The following DSCAM variants were observed in gnomAD, a reference collection of about 807,000 sequenced individuals.
The protein encoded by DSCAM is DS cell adhesion molecule.
DSCAM carries 47 observed loss-of-function variants against 217.7 expected under a neutral mutation model. The ratio of observed to expected loss-of-function variants is 0.22; its 90% CI spans 0.17 to 0.28. DSCAM has a LOEUF of 0.28. DSCAM is among the 10% of genes least tolerant of loss of function. The pLI is 1.00. For missense variants in DSCAM, 2,080 were observed against 2,618.3 expected, an observed-to-expected ratio of 0.79 and a Z score of 4.49; for synonymous variants, 1,056 against 1,015.3, an observed-to-expected ratio of 1.04 and a Z score of -0.76.
chr21:40,654,411 G>A (rs957095335), intron 3 of DSCAM, among the ~76,000 whole-genome samples: 1 of 152,202 alleles, frequency 6.6e-6, no homozygotes, highest in Non-Finnish European at 1.5e-5. Context: ...TGTGAAGCAA[G>A]AGGCTGTTCG....
intron 14 of DSCAM, among the ~76,000 whole-genome samples, chr21:40,182,620 GCCACCAGAGAAACCGTGGACAGGA>G (rs2090826072): frequency 2.2e-5 from 3 of 135,354 alleles, no homozygotes; most frequent in African/African-American, 6.3e-5. Flanking sequence ...GACAGAACGG[GCCACCAGAGAAACCGTGGACAGGA>G]GGGGGTTACC....
intron 6 of DSCAM, among the ~76,000 whole-genome samples, chr21:40,339,869 T>C (rs983150797): frequency 1.3e-5 from 2 of 152,356 alleles, no homozygotes. Context: ...ACCAACCTAA[T>C]ACTTCCTCAA....
chr21:40,573,402 T>G (rs1481954810), intron 3 of DSCAM, among the ~76,000 whole-genome samples: 1 of 152,010 alleles, frequency 6.6e-6, no homozygotes, highest in African/African-American at 2.4e-5. Flanking sequence ...CTCAAATATT[T>G]GAAAATTAAA....
chr21:40,050,595 G>C (rs1045042961), intron 30 of DSCAM, among the ~76,000 whole-genome samples: 5 of 151,884 alleles, frequency 3.3e-5, no homozygotes, highest in African/African-American at 7.3e-5. Context: ...CCATTCTCCT[G>C]CCTCGGCCTT....
At chr21:40,275,243 T>C (rs1601508423) in intron 11 of DSCAM, among the ~76,000 whole-genome samples, 3 of 151,578 alleles carry the variant, frequency 2.0e-5, no homozygotes, top group South Asian at 4.2e-4. Flanking sequence ...GGTGGGAGAA[T>C]CCCTTGAGCT....
intron 3 of DSCAM, among the ~76,000 whole-genome samples, chr21:40,671,440 C>T (rs2090272332): frequency 6.6e-6 from 1 of 152,090 alleles, no homozygotes; most frequent in African/African-American, 2.4e-5. Context: ...GTTTGGGAGG[C>T]TGAGGTGGGT....
At chr21:40,356,966 TGAA>T (rs2074700327) in intron 4 of DSCAM, among the ~76,000 whole-genome samples, 1 of 152,206 alleles carries the variant, frequency 6.6e-6, no homozygotes, top group Non-Finnish European at 1.5e-5. Flanking sequence ...AACTTCATTA[TGAA>T]CTTGCTGCTC....
intron 1 of DSCAM, among the ~76,000 whole-genome samples, chr21:40,841,962 A>G (rs2092105183): frequency 6.6e-6 from 1 of 152,172 alleles, no homozygotes; most frequent in South Asian, 2.1e-4. Context: ...TTCCTGTTAG[A>G]CGAACTCTAC....
Position 40,693,437 on chromosome 21 carries a change from A to G in DSCAM, c.362-481T>C, listed in dbSNP as rs527539336. Among the ~76,000 whole-genome samples, 19 of 152,292 alleles carry G rather than the reference A, an allele frequency of 1.2e-4. 1 individual carries two copies. The South Asian group carries it at 3.9e-3, about 32-fold the overall frequency. The stretch of plus-strand genomic sequence containing the variant: ...AAGAAAAAAAAATACACTACACTCT[A>G]TACCAAGGGGCCAGAGTATAATCGA... On this transcript the variant is annotated intron_variant, in intron 2 of 32. Transcript: ENST00000400454.
chr21:40,664,108 AGT>A (rs1447696033), intron 3 of DSCAM, among the ~76,000 whole-genome samples: 3 of 152,170 alleles, frequency 2.0e-5, no homozygotes, highest in African/African-American at 7.2e-5. Flanking sequence ...TTTCTTCCTA[AGT>A]GTCTCCCCTC....
chr21:40,817,548 T>C (rs984092989), intron 1 of DSCAM, among the ~76,000 whole-genome samples: 1 of 152,158 alleles, frequency 6.6e-6, no homozygotes, highest in Non-Finnish European at 1.5e-5. Context: ...TCATCATCCA[T>C]AACAAGTGTT....
chr21:40,414,659 C>T (rs2075354082), intron 3 of DSCAM, among the ~76,000 whole-genome samples: 1 of 152,128 alleles, frequency 6.6e-6, no homozygotes, highest in South Asian at 2.1e-4. Flanking sequence ...TGAGTGCAAC[C>T]TGCAGTGTGA....
intron 29 of DSCAM, among the ~76,000 whole-genome samples, chr21:40,053,482 A>G (rs752093107): frequency 1.3e-5 from 2 of 152,194 alleles, no homozygotes; most frequent in South Asian, 2.1e-4. Flanking sequence ...GCCCTTTTAG[A>G]TCACACCAGA....
intron 8 of DSCAM, among the ~76,000 whole-genome samples, chr21:40,318,721 G>C (rs935648144): frequency 6.6e-6 from 1 of 152,208 alleles, no homozygotes; most frequent in South Asian, 2.1e-4. Context: ...AGAGACATAT[G>C]ATGAGGGAGT....
chr21:40,492,360 C>A (rs531190659), intron 3 of DSCAM, among the ~76,000 whole-genome samples: 1 of 152,106 alleles, frequency 6.6e-6, no homozygotes, highest in Non-Finnish European at 1.5e-5. Flanking sequence ...ACTCCCAGAG[C>A]AGATTCCAAG....
intron 1 of DSCAM, among the ~76,000 whole-genome samples, chr21:40,827,468 CA>C (rs55906607): frequency 1.4e-3 from 80 of 57,116 alleles, no homozygotes; most frequent in African/African-American, 3.5e-3. Context: ...GTCCATGTCT[CA>C]AAAAAAAAAA....
intron 3 of DSCAM, among the ~76,000 whole-genome samples, chr21:40,559,562 T>C (rs1377060417): frequency 1.3e-5 from 2 of 151,592 alleles, no homozygotes; most frequent in Non-Finnish European, 2.9e-5. Context: ...AGGATCCACA[T>C]AGGTATAGAA....
chr21:40,613,614 G>A (rs989048586), intron 3 of DSCAM, among the ~76,000 whole-genome samples: 5 of 152,070 alleles, frequency 3.3e-5, no homozygotes, highest in East Asian at 3.9e-4. Flanking sequence ...ATAGAGATCC[G>A]GATGTAAAAG....
rs539126655 is a variant in DSCAM, at chr21:40,517,948, G to C, written c.509-148703C>G. On this transcript the variant is annotated intron_variant, in intron 3 of 32. Transcript: ENST00000400454. ...TGTTTGGCCCTGCACATGGCTCTGAGTATGAGCTTTAGCCCAAATGCCAAC... is the reference window on the plus strand; with the variant it reads ...TGTTTGGCCCTGCACATGGCTCTGACTATGAGCTTTAGCCCAAATGCCAAC... 1.3e-5 allele frequency among the ~76,000 whole-genome samples: 2 copies of C among 152,170 alleles called. 1 individual carries two copies. Among genetic ancestry groups the C allele is most frequent in the South Asian group, 4.1e-4 (2 of 4,828 alleles).
Sources: allele counts gnomAD v4.1 joint callset (sites outside exome capture counted in the v4.1 genomes callset), GRCh38; gene constraint gnomAD v4.1.1; transcripts MANE v1.5; gene names NCBI Gene and HGNC (gene_info 2026-07-23, HGNC 2026-07-21).